Variants in STX16 observed in about 807,000 individuals in gnomAD.
STX16 encodes the protein syntaxin 16.
Under a neutral mutation model 42.7 loss-of-function variants are expected in STX16, and 28 were observed. The observed-to-expected ratio is 0.66, with a 90% CI of 0.49 to 0.90. The LOEUF (loss-of-function observed/expected upper bound fraction) is 0.90, where lower values mean the gene tolerates loss of function less well. Among genes scored for constraint, STX16 ranks in the 40% least tolerant of loss-of-function variants. The pLI is 0.00. For synonymous variants in STX16, 156 were observed against 155.2 expected, an observed-to-expected ratio of 1.00 and a Z score of -0.04; for missense variants, 361 against 420.9, an observed-to-expected ratio of 0.86 and a Z score of 1.24.
At chr20:58,674,092 G>A (rs139626150) in intron 8 of STX16, among the ~76,000 whole-genome samples, 15 of 152,252 alleles carry the variant, frequency 9.9e-5, no homozygotes, top group Middle Eastern at 3.4e-3. Context: ...GCTTGTTGCC[G>A]TTGACTTGGG....
At chr20:58,669,601 C>A in intron 5 of STX16, 148 bp downstream of exon 5, 1 of 1,033,666 alleles carries the variant, frequency 9.7e-7, no homozygotes, top group Non-Finnish European at 1.3e-6. Flanking sequence ...AGGGAAGCCT[C>A]CTCCCCATGT....
At chr20:58,656,064 T>G (rs2083578799) in intron 1 of STX16, among the ~76,000 whole-genome samples, 3 of 152,158 alleles carry the variant, frequency 2.0e-5, no homozygotes, top group Admixed American at 2.0e-4. Context: ...ATCTGAGAAT[T>G]GAGGCCTAAG....
At position 58,659,645 on chromosome 20, in the gene STX16, T is replaced by C; in HGVS notation, c.144+11T>C. ...CAGGAGCTGGACGAGGTATTGTGTT[T>C]TGAATATTTTTATATGTTGGGTAAT... On this transcript the variant is annotated intron_variant, in intron 2 of 8. Transcript: ENST00000371141. 6.2e-7 allele frequency: 1 copy of C among 1,612,488 alleles called. No individual in the cohort carries two copies. The highest frequency in any genetic ancestry group is 8.5e-7 in the Non-Finnish European group (1 of 1,179,580).
intron 3 of STX16, 28 bp downstream of exon 3, chr20:58,667,625 CTTG>C: frequency 1.3e-6 from 2 of 1,582,176 alleles, no homozygotes; most frequent in Non-Finnish European, 1.7e-6. Flanking sequence ...TTCATAGCAT[CTTG>C]TTTTTTTAAG....
At chr20:58,663,414 A>G (rs1568819233) in intron 2 of STX16, among the ~76,000 whole-genome samples, 1 of 152,206 alleles carries the variant, frequency 6.6e-6, no homozygotes, top group African/African-American at 2.4e-5. Context: ...ACAAATGTCA[A>G]CATTTGAAGT....
In STX16 at chr20:58,676,360, C is replaced by T. The variant is rs2084125986; in HGVS notation, c.*69C>T. On this transcript the variant is annotated 3_prime_UTR_variant, in exon 9 of 9. Coordinates refer to ENST00000371141, the MANE Select transcript of STX16 (RefSeq NM_001001433.3). ...GGTGTGAGGGGCTTGGCCTGCGCCC[C>T]GCCAGCTGCCCGCAGAGGTGCAGCC... 1 of 1,397,144 alleles carries T rather than the reference C, an allele frequency of 7.2e-7. No individual in the cohort carries two copies. Among genetic ancestry groups the T allele is most frequent in the Non-Finnish European group, 1.0e-6 (1 of 984,456 alleles). The allele number at this position is 1,397,144 out of a possible 1,614,324, so 86.5% of individuals were successfully genotyped here.
At chr20:58,674,522 A>G (rs901327690) in intron 8 of STX16, among the ~76,000 whole-genome samples, 2 of 152,196 alleles carry the variant, frequency 1.3e-5, no homozygotes, top group African/African-American at 4.8e-5. Flanking sequence ...GGACTACTCT[A>G]CCATTTTTCT....
chr20:58,669,339 C>T lies in STX16; in HGVS notation c.442C>T (p.Arg148Trp), dbSNP rs141068956. 83 of 1,611,924 alleles carry T rather than the reference C, an allele frequency of 5.1e-5. 1 individual carries two copies. The African/African-American group carries it at 7.1e-4, about 14-fold the overall frequency. Residue 148 changes from arginine to tryptophan, a missense_variant, in exon 5 of 9, where the codon CGG becomes TGG. Physicochemically the swap from Arg to Trp is moderately radical, Grantham distance 101. Coordinates refer to ENST00000371141, the MANE Select transcript of STX16 (RefSeq NM_001001433.3). ...RAVQALPSRA[R>W]ACSEQEGRLL... ...CGTGCAGGCCCTGCCGAGCCGGGCC[C>T]GGGCCTGCTCCGAGCAGGAGGGGCG... is the stretch of plus-strand genomic sequence containing the variant.
rs1047003367 is a variant in STX16 at position 58,677,034 on chromosome 20, G to A, written c.*743G>A. 4 of 152,550 alleles carry A rather than the reference G, an allele frequency of 2.6e-5. No homozygotes were observed. Among genetic ancestry groups the A allele is most frequent in the African/African-American group, 9.7e-5 (4 of 41,424 alleles). 9.4% of individuals were successfully genotyped at this position (152,550 alleles called of 1,614,324 possible). On this transcript the variant is annotated 3_prime_UTR_variant, in exon 9 of 9. Coordinates refer to ENST00000371141, the MANE Select transcript of STX16 (RefSeq NM_001001433.3). ...CATTTTCTACTGTAAACCAAAAGAG[G>A]TTACTAAGCAAAACCACCTAAATTT...
intron 2 of STX16, among the ~76,000 whole-genome samples, chr20:58,661,817 G>C (rs1016830265): frequency 3.3e-5 from 5 of 152,196 alleles, no homozygotes. Flanking sequence ...TGAACACCCA[G>C]CTCCAGAGTG....
At chr20:58,675,437 C>T (rs889545624) in intron 8 of STX16, among the ~76,000 whole-genome samples, 1 of 152,224 alleles carries the variant, frequency 6.6e-6, no homozygotes, top group African/African-American at 2.4e-5. Context: ...CTGCGTCTTT[C>T]GCCAGCCAGG....
chr20:58,664,233 G>C (rs900144493), intron 2 of STX16, among the ~76,000 whole-genome samples: 4 of 152,188 alleles, frequency 2.6e-5, no homozygotes, highest in African/African-American at 4.8e-5. Flanking sequence ...ATTTCAAATA[G>C]TTGACGCTTA....
At chr20:58,652,371 ACCCCCC>A (rs11481928) in intron 1 of STX16, 1 of 426,400 alleles carries the variant, frequency 2.3e-6, no homozygotes, top group African/African-American at 2.7e-5. Flanking sequence ...CTTCCGCAGC[ACCCCCC>A]CCCCCGCACC....
rs775547823 is a variant in STX16 at position 58,657,284 on chromosome 20, A to G, written c.133-2339A>G. On this transcript the variant is annotated intron_variant, in intron 1 of 8. Transcript: ENST00000371141. The surrounding 1 kb of genome is among the most constrained non-coding windows in gnomAD (Gnocchi z 4.2). ...TAGAATCCAAGTATGAAATCATTAT[A>G]TATTTCTCTTTAGATCTACTTGCTT... is the stretch of plus-strand genomic sequence containing the variant. Among the ~76,000 whole-genome samples the G allele has an allele frequency of 1.3e-5, 2 of 152,230 alleles. No individual in the cohort carries two copies. The highest frequency in any genetic ancestry group is 2.9e-5 in the Non-Finnish European group (2 of 68,040).
At chr20:58,672,593 C>T (rs1315708643) in intron 7 of STX16, among the ~76,000 whole-genome samples, 2 of 152,030 alleles carry the variant, frequency 1.3e-5, no homozygotes, top group Non-Finnish European at 2.9e-5. Flanking sequence ...AAATTATATA[C>T]ATAGGCTACT....
chr20:58,661,407 G>C (rs921155637), intron 2 of STX16, among the ~76,000 whole-genome samples: 6 of 152,216 alleles, frequency 3.9e-5, no homozygotes, highest in Admixed American at 2.6e-4. Context: ...GGGCTTAAAA[G>C]GGAGTCTTCA....
chr20:58,672,089 T>C (rs1027341784), intron 7 of STX16, among the ~76,000 whole-genome samples: 1 of 152,032 alleles, frequency 6.6e-6, no homozygotes, highest in African/African-American at 2.4e-5. Flanking sequence ...TCCCAGCACT[T>C]TGGGGGGCTG....
intron 2 of STX16, among the ~76,000 whole-genome samples, chr20:58,665,761 G>A (rs1261090973): frequency 1.3e-5 from 2 of 152,114 alleles, no homozygotes; most frequent in South Asian, 2.1e-4. Flanking sequence ...TCCGTGCCAC[G>A]CTTGAGCACC....
chr20:58,662,234 CATCTGGGAGTGCCT>C lies in STX16; in HGVS notation c.144+2601_144+2614del, dbSNP rs376723130. ...AAACCACACTGCCTGGAGGACTGCA[CATCTGGGAGTGCCT>C]GGGCCGGGCCCCAGTGTCCATGTTG... On this transcript the variant is annotated intron_variant, in intron 2 of 8. Transcript: ENST00000371141. Among the ~76,000 whole-genome samples, 482 of 152,370 alleles carry C rather than the reference CATCTGGGAGTGCCT, an allele frequency of 3.2e-3. 5 individuals are homozygous for C. Among genetic ancestry groups the C allele is most frequent in the African/African-American group, 0.011 (469 of 41,586 alleles).
Sources: allele counts gnomAD v4.1 joint callset (sites outside exome capture counted in the v4.1 genomes callset), GRCh38; gene constraint gnomAD v4.1.1; non-coding constraint Gnocchi (gnomAD v3.1); transcripts MANE v1.5; gene names NCBI Gene and HGNC (gene_info 2026-07-23, HGNC 2026-07-21).